LRRIQ1: variants seen among roughly 807,000 people sequenced by gnomAD.
The protein encoded by LRRIQ1 is leucine-rich repeat- and IQ domain-containing protein 1.
Under a neutral mutation model 211.9 loss-of-function variants are expected in LRRIQ1, and 210 were observed. That is an observed-to-expected ratio of 0.99 (90% CI 0.89 to 1.11). The LOEUF (loss-of-function observed/expected upper bound fraction) is 1.11. LRRIQ1 is among the 50% of genes most tolerant of loss of function. The probability of loss-of-function intolerance (pLI) is 0.00; values close to 1 mark genes in which losing one functional copy is unlikely to be tolerated. For missense variants in LRRIQ1, 2,136 were observed against 1,939.5 expected, an observed-to-expected ratio of 1.10 and a Z score of -1.90; for synonymous variants, 699 against 650.1, an observed-to-expected ratio of 1.08 and a Z score of -1.14.
intron 24 of LRRIQ1, among the ~76,000 whole-genome samples, chr12:85,225,081 A>G (rs1329404266): frequency 6.6e-6 from 1 of 152,128 alleles, no homozygotes; most frequent in Non-Finnish European, 1.5e-5. Context: ...GGTTCAACCA[A>G]CTGCAGATTA....
chr12:85,158,327 GA>G (rs1459109746), intron 23 of LRRIQ1, among the ~76,000 whole-genome samples: 4 of 151,612 alleles, frequency 2.6e-5, no homozygotes, highest in Non-Finnish European at 4.4e-5. Context: ...TTATATTTGG[GA>G]AAATTTAAAT....
downstream of LRRIQ1, among the ~76,000 whole-genome samples, chr12:85,249,317 A>G (rs1895830875): frequency 2.6e-5 from 4 of 151,808 alleles, no homozygotes; most frequent in Admixed American, 2.0e-4. Context: ...TTGCAAATCA[A>G]GAAGGTAGCA....
intron 24 of LRRIQ1, 113 bp downstream of exon 24, chr12:85,160,827 A>C: frequency 2.3e-6 from 1 of 426,104 alleles, no homozygotes; most frequent in Non-Finnish European, 3.8e-6. Flanking sequence ...ATAAAGAATT[A>C]TGTATAACAT....
At chr12:85,261,768 T>TATTTATTG (rs1896297714) in intron 1 of LRRIQ1, among the ~76,000 whole-genome samples, 2 of 137,662 alleles carry the variant, frequency 1.5e-5, no homozygotes, top group Admixed American at 1.4e-4. Flanking sequence ...TTGTTTATTT[T>TATTTATTG]ATTTATTTAT....
chr12:85,177,425 T>C (rs147927186), intron 24 of LRRIQ1, among the ~76,000 whole-genome samples: 3 of 151,486 alleles, frequency 2.0e-5, no homozygotes, highest in African/African-American at 7.3e-5. Context: ...CCCAGAGACA[T>C]GAGGGAAGAA....
chr12:85,058,692 T>A (rs1881424630), intron 8 of LRRIQ1, among the ~76,000 whole-genome samples: 1 of 152,050 alleles, frequency 6.6e-6, no homozygotes, highest in Admixed American at 6.6e-5. Flanking sequence ...ATTAACTCTT[T>A]CTTTTACTTC....
intron 17 of LRRIQ1, chr12:85,124,773 T>A (rs910656142): frequency 8.3e-6 from 3 of 363,284 alleles, no homozygotes; most frequent in African/African-American, 2.2e-5. Flanking sequence ...TGAGTTTTTT[T>A]CTGCCTTGTA....
chr12:85,261,565 C>A (rs534999484), intron 1 of LRRIQ1, among the ~76,000 whole-genome samples: 14 of 146,690 alleles, frequency 9.5e-5, no homozygotes, highest in African/African-American at 3.3e-4. Context: ...TTTTTTTTTT[C>A]TCTAACCTTA....
At chr12:85,168,847 A>G (rs1011817359) in intron 24 of LRRIQ1, among the ~76,000 whole-genome samples, 24 of 152,216 alleles carry the variant, frequency 1.6e-4, no homozygotes, top group Non-Finnish European at 3.1e-4. Flanking sequence ...TGGTAAGACC[A>G]GTGAATTCCA....
At chr12:85,052,883 T>C (rs1880500027) in intron 7 of LRRIQ1, among the ~76,000 whole-genome samples, 1 of 152,076 alleles carries the variant, frequency 6.6e-6, no homozygotes, top group South Asian at 2.1e-4. Context: ...CAATAATAGC[T>C]CACCTATAGA....
intron 1 of LRRIQ1, among the ~76,000 whole-genome samples, chr12:85,255,597 A>G (rs901044285): frequency 7.2e-5 from 11 of 151,728 alleles, no homozygotes; most frequent in Non-Finnish European, 1.5e-5. Context: ...TCAGTAACGA[A>G]CTTATAGCCA....
At chr12:85,111,752 CT>C (rs1216925096) in intron 15 of LRRIQ1, among the ~76,000 whole-genome samples, 3 of 151,878 alleles carry the variant, frequency 2.0e-5, no homozygotes, top group African/African-American at 7.3e-5. Context: ...TTTGGGAAGA[CT>C]TTTTTCATCA....
chr12:85,213,530 T>C (rs996118308), intron 24 of LRRIQ1, among the ~76,000 whole-genome samples: 2 of 151,988 alleles, frequency 1.3e-5, no homozygotes, highest in African/African-American at 4.8e-5. Context: ...AATTGGAAAA[T>C]GTACATTATC....
At chr12:85,181,569 A>G (rs1237624841) in intron 24 of LRRIQ1, among the ~76,000 whole-genome samples, 2 of 151,982 alleles carry the variant, frequency 1.3e-5, no homozygotes. Flanking sequence ...TATAAATAAC[A>G]TTTAGATTTA....
At chr12:85,149,094 G>A (rs574020813) in intron 19 of LRRIQ1, among the ~76,000 whole-genome samples, 1 of 152,072 alleles carries the variant, frequency 6.6e-6, no homozygotes, top group African/African-American at 2.4e-5. Flanking sequence ...CTGCCATTCT[G>A]TAGGTTGCCT....
chr12:85,051,290 G>C (rs1231287356), intron 6 of LRRIQ1, among the ~76,000 whole-genome samples: 1 of 151,840 alleles, frequency 6.6e-6, no homozygotes, highest in Admixed American at 6.6e-5. Flanking sequence ...TGCTGGCACC[G>C]TTCTTCCTGT....
chr12:85,061,902 G>C (rs1013660863), intron 8 of LRRIQ1, among the ~76,000 whole-genome samples: 12 of 151,748 alleles, frequency 7.9e-5, no homozygotes, highest in South Asian at 4.1e-4. Flanking sequence ...GAAACTAGAA[G>C]TCTTATTTAT....
chr12:85,206,435 C>T (rs1893548378), intron 24 of LRRIQ1, among the ~76,000 whole-genome samples: 1 of 152,098 alleles, frequency 6.6e-6, no homozygotes, highest in Non-Finnish European at 1.5e-5. Context: ...TTTGTGCTGG[C>T]AATGGCAGCA....
intron 24 of LRRIQ1, among the ~76,000 whole-genome samples, chr12:85,211,469 G>T (rs1468486565): frequency 1.3e-5 from 2 of 152,060 alleles, no homozygotes; most frequent in African/African-American, 4.8e-5. Flanking sequence ...TTTGGGATAC[G>T]TGTTATGTAA....
Sources: gnomAD v4.1 joint callset for allele counts (sites outside exome capture counted in the v4.1 genomes callset) on GRCh38, gnomAD v4.1.1 for gene constraint, MANE v1.5 for transcripts, NCBI Gene and HGNC (gene_info 2026-07-23, HGNC 2026-07-21) for gene names.